Variants in HMBOX1 observed in about 807,000 individuals in gnomAD.
The protein encoded by HMBOX1 is homeobox-containing protein 1.
In HMBOX1, 14 loss-of-function variants were observed where a neutral mutation model predicts 54.5. The observed-to-expected ratio is 0.26, with a 90% CI of 0.17 to 0.40. HMBOX1 has a LOEUF of 0.40. Among genes scored for constraint, HMBOX1 ranks in the 10% least tolerant of loss-of-function variants. The pLI, the probability that HMBOX1 is intolerant of heterozygous loss-of-function variation, is 1.00. For missense variants in HMBOX1, 332 were observed against 514.4 expected, an observed-to-expected ratio of 0.65 and a Z score of 3.43; for synonymous variants, 160 against 181.0, an observed-to-expected ratio of 0.88 and a Z score of 0.93.
chr8:28,983,719 T>G (rs1251905259), intron 4 of HMBOX1, among the ~76,000 whole-genome samples: 1 of 152,206 alleles, frequency 6.6e-6, no homozygotes, highest in Non-Finnish European at 1.5e-5. Flanking sequence ...ATGTGAAAAT[T>G]TGTCCAGTGT....
chr8:28,899,825 T>A (rs1049647343), intron 1 of HMBOX1, among the ~76,000 whole-genome samples: 5 of 152,126 alleles, frequency 3.3e-5, no homozygotes, highest in Non-Finnish European at 1.5e-5. Context: ...ACCTAGAAGA[T>A]TGGAGTCAGA....
In HMBOX1 at chr8:29,052,793, T is replaced by A. The variant is rs565265844; in HGVS notation, c.*1638T>A. 6.6e-6 allele frequency: 1 copy of A among 152,334 alleles called. No homozygotes were observed. Among genetic ancestry groups the A allele is most frequent in the Non-Finnish European group, 1.5e-5 (1 of 68,036 alleles). The allele number at this position is 152,334 out of a possible 1,614,324, so 9.4% of individuals were successfully genotyped here. A position where few individuals can be genotyped will look rare whatever the true frequency, so the allele number is the denominator to read the frequency against. On this transcript the variant is annotated 3_prime_UTR_variant, in exon 10 of 10. Coordinates refer to ENST00000287701, the MANE Select transcript of HMBOX1 (RefSeq NM_001135726.3). ...AGAGGCACAACTGCTGTGGATTTTC[T>A]GCCTCGCTCCATCTCTCCTATGTAT... is the stretch of plus-strand genomic sequence containing the variant.
chr8:28,909,598 T>C (rs189812300), intron 1 of HMBOX1, among the ~76,000 whole-genome samples: 1 of 152,312 alleles, frequency 6.6e-6, no homozygotes, highest in Non-Finnish European at 1.5e-5. Context: ...ATTGCTAAGC[T>C]GAAGAGTTGT....
intron 1 of HMBOX1, chr8:28,891,785 C>T (rs1811042225): frequency 6.6e-6 from 1 of 152,288 alleles, no homozygotes; most frequent in Non-Finnish European, 1.5e-5. Flanking sequence ...AGTGAAGAAG[C>T]ATTGGGTGAG....
intron 4 of HMBOX1, among the ~76,000 whole-genome samples, chr8:28,997,513 TG>T (rs2132677571): frequency 6.6e-6 from 1 of 152,246 alleles, no homozygotes; most frequent in East Asian, 1.9e-4. Flanking sequence ...AGCATTTTGT[TG>T]AGGAGTTTTA....
intron 1 of HMBOX1, among the ~76,000 whole-genome samples, chr8:28,900,195 C>T (rs1812932161): frequency 6.9e-6 from 1 of 144,044 alleles, no homozygotes; most frequent in South Asian, 2.2e-4. Context: ...GCAGAGGTTG[C>T]AGTGAGCTGA....
chr8:29,034,260 C>T (rs190359568), intron 6 of HMBOX1, among the ~76,000 whole-genome samples: 185 of 152,206 alleles, frequency 1.2e-3, no homozygotes, highest in African/African-American at 4.2e-3. Flanking sequence ...CTTTGAAAAC[C>T]TAGGAGTCCT....
At chr8:29,021,768 G>A (rs1801206015) in intron 6 of HMBOX1, among the ~76,000 whole-genome samples, 1 of 151,214 alleles carries the variant, frequency 6.6e-6, no homozygotes, top group Non-Finnish European at 1.5e-5. Flanking sequence ...GCTGAGGCAG[G>A]AGAATGGCAT....
intron 4 of HMBOX1, among the ~76,000 whole-genome samples, chr8:28,986,199 T>C (rs1830139241): frequency 6.6e-6 from 1 of 152,180 alleles, no homozygotes; most frequent in Admixed American, 6.5e-5. Context: ...TTCTTTCACA[T>C]AGTCGTATAC....
chr8:28,978,059 A>G (rs1309631616), intron 3 of HMBOX1, among the ~76,000 whole-genome samples: 1 of 152,186 alleles, frequency 6.6e-6, no homozygotes, highest in Admixed American at 6.5e-5. Context: ...TAGGCAGCTG[A>G]TTAATTTTTT....
chr8:29,050,159 TA>T, intron 9 of HMBOX1: 2 of 829,324 alleles, frequency 2.4e-6, no homozygotes, highest in Non-Finnish European at 2.9e-6. Context: ...ACAGATGCCC[TA>T]AGGGCAGCAC....
At chr8:29,009,954 GC>G in intron 5 of HMBOX1, 1 of 1,059,280 alleles carries the variant, frequency 9.4e-7, no homozygotes, top group Non-Finnish European at 1.1e-6. Flanking sequence ...CAGCCTCAAA[GC>G]CTTTGCACAC....
At chr8:29,046,732 A>G (rs1270579930) in intron 7 of HMBOX1, among the ~76,000 whole-genome samples, 6 of 152,206 alleles carry the variant, frequency 3.9e-5, no homozygotes, top group Admixed American at 6.5e-5. Context: ...TGTAATCCCA[A>G]TATTTTGGGA....
chr8:29,000,454 A>G (rs1832481860), intron 4 of HMBOX1, among the ~76,000 whole-genome samples: 1 of 152,194 alleles, frequency 6.6e-6, no homozygotes, highest in South Asian at 2.1e-4. Context: ...ACTCTCGTGG[A>G]CATCTCATAC....
At chr8:28,913,677 G>A (rs1411008663) in intron 1 of HMBOX1, among the ~76,000 whole-genome samples, 1 of 152,090 alleles carries the variant, frequency 6.6e-6, no homozygotes, top group East Asian at 1.9e-4. Context: ...ATAGCACCCA[G>A]CACAGTTCTT....
Position 29,051,453 on chromosome 8 carries a change from T to TTAGA in HMBOX1, c.*302_*305dup. On this transcript the variant is annotated 3_prime_UTR_variant, in exon 10 of 10. Transcript: ENST00000287701. ...ATTCCAAGAAAGTGCTTCCAGGTAT[T>TTAGA]TAGATAGCCCTCAGTTCTCAAATAT... The TTAGA allele has an allele frequency of 1.5e-6, 1 of 687,396 alleles. No homozygotes were observed. Among genetic ancestry groups the TTAGA allele is most frequent in the Non-Finnish European group, 2.7e-6 (1 of 372,648 alleles). The allele number at this position is 687,396 out of a possible 1,614,324, so 42.6% of individuals were successfully genotyped here.
chr8:28,955,371 C>T (rs1397937021), intron 1 of HMBOX1, among the ~76,000 whole-genome samples: 1 of 152,084 alleles, frequency 6.6e-6, no homozygotes, highest in African/African-American at 2.4e-5. Flanking sequence ...CTTCTATGCT[C>T]TTGTACATAG....
chr8:28,963,732 CATCA>C, intron 1 of HMBOX1, 75 bp from the exon 2 acceptor site: 1 of 585,488 alleles, frequency 1.7e-6, no homozygotes, highest in East Asian at 2.9e-5. Flanking sequence ...TCTTGCTGTC[CATCA>C]GTTACATAAT....
chr8:28,961,920 CTT>C (rs35117256), intron 1 of HMBOX1, among the ~76,000 whole-genome samples: 1 of 116,508 alleles, frequency 8.6e-6, no homozygotes, highest in Non-Finnish European at 1.7e-5. Context: ...TTTCTTTTTT[CTT>C]TTTTTTTTTT....
Sources: allele counts gnomAD v4.1 joint callset (sites outside exome capture counted in the v4.1 genomes callset), GRCh38; gene constraint gnomAD v4.1.1; transcripts MANE v1.5; gene names NCBI Gene and HGNC (gene_info 2026-07-23, HGNC 2026-07-21).